FNBP1: variants seen among roughly 807,000 people sequenced by gnomAD.
FNBP1 encodes formin-binding protein 1.
FNBP1 carries 26 observed loss-of-function variants against 90.6 expected under a neutral mutation model. The ratio of observed to expected loss-of-function variants is 0.29; its 90% CI spans 0.21 to 0.40. The LOEUF (loss-of-function observed/expected upper bound fraction) is 0.40, where lower values mean the gene tolerates loss of function less well. FNBP1 is among the 10% of genes least tolerant of loss of function. The pLI is 1.00. For missense variants in FNBP1, 635 were observed against 768.0 expected (o/e 0.83, Z 2.05); for synonymous variants, 260 against 265.2 (o/e 0.98, Z 0.19).
intron 1 of FNBP1, among the ~76,000 whole-genome samples, chr9:130,017,435 T>C (rs1397340315): frequency 6.6e-6 from 1 of 152,220 alleles, no homozygotes; most frequent in Non-Finnish European, 1.5e-5. Flanking sequence ...CTTTAAATTA[T>C]TTGTTGCTTC....
At chr9:129,943,992 C>CAAAAAAAA (rs397936316) in intron 6 of FNBP1, among the ~76,000 whole-genome samples, 8,866 of 57,504 alleles carry the variant, frequency 0.15, 1,596 homozygotes, top group Middle Eastern at 0.24. Flanking sequence ...GACTCCATCT[C>CAAAAAAAA]AAAAAAAAAA....
Position 129,900,830 on chromosome 9 carries a change from C to T in FNBP1, c.1429-283G>A, listed in dbSNP as rs373705884. Among the ~76,000 whole-genome samples the T allele has an allele frequency of 3.9e-5, 6 of 152,390 alleles. No homozygotes were observed. Among genetic ancestry groups the T allele is most frequent in the South Asian group, 2.1e-4 (1 of 4,832 alleles). On this transcript the variant is annotated intron_variant, in intron 13 of 16. Coordinates refer to ENST00000446176, the MANE Select transcript of FNBP1 (RefSeq NM_015033.3). The surrounding 1 kb of genome is among the most constrained non-coding windows in gnomAD (Gnocchi z 4.1). ...AAACTCATATTTATGTGGTTGCCCA[C>T]GATGGGGCAGAAAGCACACTGGACT...
In FNBP1 at chr9:130,043,021, T is replaced by C. The variant is rs1011759336; in HGVS notation, c.-46A>G. 6 of 1,223,464 alleles carry C rather than the reference T, an allele frequency of 4.9e-6. No homozygotes were observed. The African/African-American group carries it at 6.3e-5, about 13-fold the overall frequency. The allele number at this position is 1,223,464 out of a possible 1,614,324, so 75.8% of individuals were successfully genotyped here. ...GCGCTCCGCGCGGCGGGCGCGGCTC[T>C]CTGGTCCCCCTCCCCGGCGATCCCT... On this transcript the variant is annotated 5_prime_UTR_variant, in exon 1 of 17. Transcript: ENST00000446176.
intron 10 of FNBP1, chr9:129,919,225 A>T (rs897687473): frequency 1.5e-5 from 19 of 1,300,542 alleles, no homozygotes; most frequent in Admixed American, 4.6e-5. Context: ...GTTCTTTGTG[A>T]AAACAGAAAG....
intron 1 of FNBP1, among the ~76,000 whole-genome samples, chr9:130,020,923 C>G (rs1183505980): frequency 6.6e-6 from 1 of 152,144 alleles, no homozygotes; most frequent in African/African-American, 2.4e-5. Flanking sequence ...CCAACATCCT[C>G]TATCACTGAA....
At chr9:129,952,699 T>C (rs567622820) in intron 6 of FNBP1, among the ~76,000 whole-genome samples, 12 of 152,298 alleles carry the variant, frequency 7.9e-5, no homozygotes, top group South Asian at 6.2e-4. Context: ...CCACTTTTTA[T>C]TGATGAAAAA....
At chr9:129,950,707 T>C (rs1176229392) in intron 6 of FNBP1, among the ~76,000 whole-genome samples, 1 of 152,180 alleles carries the variant, frequency 6.6e-6, no homozygotes, top group Non-Finnish European at 1.5e-5. Context: ...TAGGCCTCCA[T>C]CACCATAGAT....
chr9:130,021,072 T>G (rs1245845842), intron 1 of FNBP1, among the ~76,000 whole-genome samples: 1 of 152,186 alleles, frequency 6.6e-6, no homozygotes, highest in Non-Finnish European at 1.5e-5. Flanking sequence ...GCTGGTTATT[T>G]TTTTCCAAGT....
At chr9:129,977,021 A>T (rs1048369853) in intron 4 of FNBP1, among the ~76,000 whole-genome samples, 56 of 152,028 alleles carry the variant, frequency 3.7e-4, no homozygotes, top group Non-Finnish European at 5.0e-4. Context: ...ACAAAAAATT[A>T]GCTGGGCATG....
At chr9:129,945,388 A>T (rs1268565744) in intron 6 of FNBP1, among the ~76,000 whole-genome samples, 1 of 152,226 alleles carries the variant, frequency 6.6e-6, no homozygotes, top group Non-Finnish European at 1.5e-5. Flanking sequence ...TTTTAAAAAA[A>T]AATGTTCTCT....
intron 4 of FNBP1, among the ~76,000 whole-genome samples, chr9:129,967,240 G>A (rs2133139135): frequency 6.6e-6 from 1 of 152,270 alleles, no homozygotes; most frequent in South Asian, 2.1e-4. Flanking sequence ...TTGGGGCCGG[G>A]AGCGGTGGCT....
At chr9:129,916,112 A>G in intron 10 of FNBP1, 132 bp from the exon 11 acceptor site, 1 of 652,026 alleles carries the variant, frequency 1.5e-6, no homozygotes, top group Admixed American at 2.8e-5. Context: ...ACACACGTCT[A>G]CCCGCTGATT....
chr9:129,949,290 G>T (rs2045813563), intron 6 of FNBP1, among the ~76,000 whole-genome samples: 1 of 152,266 alleles, frequency 6.6e-6, no homozygotes, highest in African/African-American at 2.4e-5. Flanking sequence ...AATAAAAATT[G>T]TTCAATTAAG....
chr9:129,972,485 C>T (rs2133279461), intron 4 of FNBP1, among the ~76,000 whole-genome samples: 1 of 151,878 alleles, frequency 6.6e-6, no homozygotes, highest in African/African-American at 2.4e-5. Flanking sequence ...TGAACAACTA[C>T]CGTATGACAC....
In FNBP1 at chr9:129,914,757, C is replaced by CTATA. The variant is rs756342214; in HGVS notation, c.1185+1205_1185+1208dup. 4.2e-3 allele frequency among the ~76,000 whole-genome samples: 467 copies of CTATA among 109,928 alleles called. 8 individuals are homozygous for CTATA. Among genetic ancestry groups the CTATA allele is most frequent in the African/African-American group, 7.5e-3 (203 of 26,922 alleles). 72.1% of individuals were successfully genotyped at this position (109,928 alleles called of 152,430 possible). A position where few individuals can be genotyped will look rare whatever the true frequency, so the allele number is the denominator to read the frequency against. The stretch of plus-strand genomic sequence containing the variant: ...AAATTATGTATATACATACATATGT[C>CTATA]TATATATATATATATATATATATAT... On this transcript the variant is annotated intron_variant, in intron 11 of 16. Coordinates refer to ENST00000446176, the MANE Select transcript of FNBP1 (RefSeq NM_015033.3).
intron 1 of FNBP1, among the ~76,000 whole-genome samples, chr9:130,028,208 T>C (rs1053763500): frequency 3.3e-5 from 5 of 152,242 alleles, no homozygotes; most frequent in Admixed American, 6.5e-5. Flanking sequence ...CAATGTGGGA[T>C]GGGCAATATT....
In FNBP1 at chr9:129,887,382, CA is replaced by C. The variant is rs1251907244; in HGVS notation, c.*3156del. ...AGAATTAGTGCAACACACATACGAA[CA>C]TTTTAAAGGTGCTCAACATCAGGTT... On this transcript the variant is annotated 3_prime_UTR_variant, in exon 17 of 17. Coordinates refer to ENST00000446176, the MANE Select transcript of FNBP1 (RefSeq NM_015033.3). 2.0e-5 allele frequency: 4 copies of C among 201,070 alleles called. No homozygotes were observed. The highest frequency in any genetic ancestry group is 6.0e-5 in the Admixed American group (1 of 16,594). 12.5% of individuals were successfully genotyped at this position (201,070 alleles called of 1,614,324 possible).
chr9:130,022,386 T>C (rs980219724), intron 1 of FNBP1, among the ~76,000 whole-genome samples: 1 of 150,506 alleles, frequency 6.6e-6, no homozygotes, highest in African/African-American at 2.4e-5. Flanking sequence ...TTTGTATTTT[T>C]AGTAGAGATA....
At position 129,993,744 on chromosome 9, in the gene FNBP1, C is replaced by T. The variant is rs368723624; in HGVS notation, c.140+1099G>A. On this transcript the variant is annotated intron_variant, in intron 2 of 16. Coordinates refer to ENST00000446176, the MANE Select transcript of FNBP1 (RefSeq NM_015033.3). ...GGTTCAAGCAGTTCTCATGTCTCAC[C>T]CTCCCAAGTAGCTGGGATTACAGGC... is the stretch of plus-strand genomic sequence containing the variant. Among the ~76,000 whole-genome samples, 10 of 152,094 alleles carry T rather than the reference C, an allele frequency of 6.6e-5. No individual in the cohort carries two copies. In the South Asian group the frequency reaches 1.7e-3, roughly 25 times the overall value.
Sources: allele counts gnomAD v4.1 joint callset (sites outside exome capture counted in the v4.1 genomes callset), GRCh38; gene constraint gnomAD v4.1.1; non-coding constraint Gnocchi (gnomAD v3.1); transcripts MANE v1.5; gene names NCBI Gene and HGNC (gene_info 2026-07-23, HGNC 2026-07-21).